The following ADAMTSL1 variants were observed in gnomAD, a reference collection of about 807,000 sequenced individuals.
ADAMTSL1 encodes the protein ADAMTS like 1.
Under a neutral mutation model 201.8 loss-of-function variants are expected in ADAMTSL1, and 126 were observed. That is an observed-to-expected ratio of 0.62 (90% CI 0.54 to 0.72). The LOEUF (loss-of-function observed/expected upper bound fraction) is 0.72, where lower values mean the gene tolerates loss of function less well. ADAMTSL1 is among the 30% of genes least tolerant of loss of function. The probability of loss-of-function intolerance (pLI) is 0.00; values close to 1 mark genes in which losing one functional copy is unlikely to be tolerated. For synonymous variants in ADAMTSL1, 1,121 were observed against 903.4 expected (o/e 1.24, Z -4.32); for missense variants, 2,679 against 2,277.8 (o/e 1.18, Z -3.59).
intron 13 of ADAMTSL1, among the ~76,000 whole-genome samples, chr9:18,705,665 T>G (rs1432751345): frequency 2.6e-5 from 4 of 152,190 alleles, no homozygotes; most frequent in African/African-American, 9.7e-5. Context: ...TCAGACTAAT[T>G]CAAAGAATGT....
intron 2 of ADAMTSL1, among the ~76,000 whole-genome samples, chr9:18,528,590 C>G (rs752081177): frequency 6.6e-6 from 1 of 152,086 alleles, no homozygotes; most frequent in African/African-American, 2.4e-5. Context: ...ACCACATTTT[C>G]TTTTTCCAGT....
intron 2 of ADAMTSL1, among the ~76,000 whole-genome samples, chr9:18,217,191 G>C (rs1830085520): frequency 6.6e-6 from 1 of 152,136 alleles, no homozygotes; most frequent in Admixed American, 6.5e-5. Flanking sequence ...AGAAAGTTAG[G>C]CCCTGGGTTC....
chr9:18,290,883 G>C (rs546053087), intron 2 of ADAMTSL1, among the ~76,000 whole-genome samples: 1 of 150,808 alleles, frequency 6.6e-6, no homozygotes. Context: ...CCAGGTTCAC[G>C]CCATTCTCCT....
intron 19 of ADAMTSL1, among the ~76,000 whole-genome samples, chr9:18,783,011 A>T (rs1166295703): frequency 6.6e-6 from 1 of 152,202 alleles, no homozygotes; most frequent in African/African-American, 2.4e-5. Context: ...GTTAAACAGG[A>T]AAGTGACATG....
At chr9:17,940,260 G>A (rs1255796163) in intron 1 of ADAMTSL1, among the ~76,000 whole-genome samples, 20 of 152,072 alleles carry the variant, frequency 1.3e-4, no homozygotes, top group Non-Finnish European at 8.8e-5. Flanking sequence ...TCATTGTAGA[G>A]GGTAGATTTG....
At chr9:17,971,827 T>TG (rs1818217219) in intron 1 of ADAMTSL1, among the ~76,000 whole-genome samples, 1 of 151,974 alleles carries the variant, frequency 6.6e-6, no homozygotes, top group Non-Finnish European at 1.5e-5. Flanking sequence ...TTATTTTATA[T>TG]GGGGAAAAAG....
exon 2 of ADAMTSL1, chr9:18,163,868 G>A (rs547183064): frequency 2.0e-5 from 3 of 152,096 alleles, no homozygotes; most frequent in South Asian, 2.1e-4. Flanking sequence ...CTAGGTATGC[G>A]GAGACCAAAG....
intron 2 of ADAMTSL1, among the ~76,000 whole-genome samples, chr9:18,457,530 C>T (rs1820652196): frequency 6.6e-6 from 1 of 152,092 alleles, no homozygotes; most frequent in Non-Finnish European, 1.5e-5. Context: ...GACAGTAGCT[C>T]ACTTTGTCAC....
intron 1 of ADAMTSL1, among the ~76,000 whole-genome samples, chr9:18,092,081 T>G (rs1378528926): frequency 6.6e-6 from 1 of 152,190 alleles, no homozygotes; most frequent in Non-Finnish European, 1.5e-5. Context: ...CCCAAGCAGC[T>G]TGGGATTACC....
intron 2 of ADAMTSL1, among the ~76,000 whole-genome samples, chr9:18,203,384 A>G (rs938603745): frequency 6.8e-4 from 103 of 152,016 alleles, no homozygotes; most frequent in Non-Finnish European, 1.2e-3. Context: ...TGACAAAGTC[A>G]TATTAAGTCC....
intron 2 of ADAMTSL1, among the ~76,000 whole-genome samples, chr9:18,298,436 C>T (rs527747111): frequency 6.6e-6 from 1 of 152,206 alleles, no homozygotes; most frequent in African/African-American, 2.4e-5. Context: ...GTAGCAGTAA[C>T]TATGTGGCAC....
chr9:18,155,472 C>T (rs142780557), intron 1 of ADAMTSL1, among the ~76,000 whole-genome samples: 25 of 152,140 alleles, frequency 1.6e-4, no homozygotes, highest in African/African-American at 4.8e-4. Flanking sequence ...GTCCAACCTG[C>T]GACCCATGGG....
At chr9:18,119,184 G>A (rs1367585120) in intron 1 of ADAMTSL1, among the ~76,000 whole-genome samples, 1 of 152,142 alleles carries the variant, frequency 6.6e-6, no homozygotes, top group Admixed American at 6.6e-5. Context: ...GTAAGAAGTT[G>A]TTATTATTAA....
intron 2 of ADAMTSL1, among the ~76,000 whole-genome samples, chr9:18,251,986 GATATAA>G (rs1338339863): frequency 7.3e-5 from 11 of 151,582 alleles, no homozygotes; most frequent in African/African-American, 2.4e-4. Flanking sequence ...ATCAATTAAA[GATATAA>G]ATATAAAATA....
intron 1 of ADAMTSL1, among the ~76,000 whole-genome samples, chr9:18,073,188 T>C (rs2131739962): frequency 6.6e-6 from 1 of 152,248 alleles, no homozygotes; most frequent in African/African-American, 2.4e-5. Context: ...GGATTAAATA[T>C]ATTGTTTGTC....
At chr9:18,517,595 C>A (rs935849914) in intron 2 of ADAMTSL1, among the ~76,000 whole-genome samples, 8 of 146,110 alleles carry the variant, frequency 5.5e-5, no homozygotes, top group Admixed American at 1.4e-4. Flanking sequence ...CAGTCCCCAG[C>A]GTGTGATATT....
intron 4 of ADAMTSL1, among the ~76,000 whole-genome samples, chr9:18,613,903 A>G (rs1042556624): frequency 6.6e-6 from 1 of 152,222 alleles, no homozygotes; most frequent in Non-Finnish European, 1.5e-5. Flanking sequence ...AAAATTAAAT[A>G]TTATGACTGA....
intron 23 of ADAMTSL1, among the ~76,000 whole-genome samples, chr9:18,882,973 C>T (rs969411877): frequency 1.6e-5 from 2 of 126,446 alleles, no homozygotes; most frequent in African/African-American, 3.1e-5. Flanking sequence ...ACCTGAGCAA[C>T]AGAATGAGAG....
intron 1 of ADAMTSL1, among the ~76,000 whole-genome samples, chr9:18,487,280 A>G (rs1822045633): frequency 6.6e-6 from 1 of 152,226 alleles, no homozygotes; most frequent in Admixed American, 6.5e-5. Context: ...TCTCGTGTAT[A>G]GAATTTATTT....
Sources: allele counts gnomAD v4.1 joint callset (sites outside exome capture counted in the v4.1 genomes callset), GRCh38; gene constraint gnomAD v4.1.1; transcripts MANE v1.5; gene names NCBI Gene and HGNC (gene_info 2026-07-23, HGNC 2026-07-21).